The following DOCK5 variants were observed in gnomAD, a reference collection of about 807,000 sequenced individuals.
The protein encoded by DOCK5 is dedicator of cytokinesis protein 5.
In DOCK5, 142 loss-of-function variants were observed where a neutral mutation model predicts 251.8. That is an observed-to-expected ratio of 0.56 (90% confidence interval 0.49 to 0.65). DOCK5 has a LOEUF of 0.65. Ranked by LOEUF, DOCK5 falls within the 30% of genes least tolerant of loss-of-function variation. The probability of loss-of-function intolerance (pLI) is 0.00; values close to 1 mark genes in which losing one functional copy is unlikely to be tolerated. For missense variants in DOCK5, 2,111 were observed against 2,312.3 expected (o/e 0.91, Z 1.79); for synonymous variants, 842 against 835.5 (o/e 1.01, Z -0.13).
chr8:25,291,768 C>T (rs964004243), intron 5 of DOCK5, among the ~76,000 whole-genome samples: 1 of 146,754 alleles, frequency 6.8e-6, no homozygotes, highest in Admixed American at 7.0e-5. Context: ...CGGGTAGATC[C>T]ATGGTGAGAC....
At position 25,368,649 on chromosome 8, in the gene DOCK5, G is replaced by A. The variant is rs753133870; in HGVS notation, c.3362G>A (p.Arg1121Gln). The change falls in exon 33 of 52, where the codon CGG becomes CAG. Residue 1121 changes from arginine (R) to glutamine (Q), a missense_variant. Arg to Gln is a conservative substitution (Grantham distance 43, BLOSUM62 1). Transcript: ENST00000276440. ...ACTCTGACCCCTGAAGTAGAGCTCC[G>A]GAAAGCCACAATCCCCATTTTCTTT... Reference protein sequence around the residue: ...EVTLTPEVELRKATIPIFFDM... With the variant: ...EVTLTPEVELQKATIPIFFDM... 2.3e-5 allele frequency: 37 copies of A among 1,613,680 alleles called. No homozygotes were observed. The highest frequency in any genetic ancestry group is 1.6e-4 in the Middle Eastern group (1 of 6,084).
At chr8:25,332,151 A>G (rs1193136629) in intron 18 of DOCK5, 100 bp from the exon 19 acceptor site, 1 of 781,684 alleles carries the variant, frequency 1.3e-6, no homozygotes, top group African/African-American at 1.7e-5. Flanking sequence ...ATTAGCCACT[A>G]TTGAGAGCAA....
chr8:25,298,055 T>C (rs1481787532), intron 7 of DOCK5, among the ~76,000 whole-genome samples: 10 of 141,172 alleles, frequency 7.1e-5, no homozygotes, highest in Admixed American at 7.0e-4. Context: ...AGACCCTGCC[T>C]CTTAAAAAAA....
chr8:25,350,153 G>A lies in DOCK5; in HGVS notation c.2755-1578G>A, dbSNP rs139439753. 2.4e-3 allele frequency among the ~76,000 whole-genome samples: 373 copies of A among 152,252 alleles called. 3 individuals are homozygous for A. Among genetic ancestry groups the A allele is most frequent in the African/African-American group, 7.5e-3 (310 of 41,554 alleles). On this transcript the variant is annotated intron_variant, in intron 26 of 51. Transcript: ENST00000276440. ...AATTTGACCGTGGAAATCATTACAC[G>A]ATTACGTGGATCAAATCTTCATGTT...
chr8:25,275,450 C>A lies in DOCK5; in HGVS notation c.224+9C>A. ...ACTGTGGAAGACCTGGGGTAAGTTC[C>A]AAGCTAGGAAGATTCCCCAAAAATG... is the stretch of plus-strand genomic sequence containing the variant. On this transcript the variant is annotated intron_variant, in intron 4 of 51. Coordinates refer to ENST00000276440, the MANE Select transcript of DOCK5 (RefSeq NM_024940.8). 1 of 1,604,926 alleles carries A rather than the reference C, an allele frequency of 6.2e-7. No homozygotes were observed. The highest frequency in any genetic ancestry group is 8.5e-7 in the Non-Finnish European group (1 of 1,176,596).
At chr8:25,391,776 T>G (rs2117320162) in intron 42 of DOCK5, 120 bp from the exon 43 acceptor site, 162 of 701,128 alleles carry the variant, frequency 2.3e-4, no homozygotes, top group Non-Finnish European at 3.0e-4. Context: ...CTATTGATTA[T>G]GAGATAGCTT....
chr8:25,374,302 C>T (rs931030730), intron 36 of DOCK5, among the ~76,000 whole-genome samples: 1 of 152,046 alleles, frequency 6.6e-6, no homozygotes, highest in African/African-American at 2.4e-5. Flanking sequence ...ACTAAATCAA[C>T]TCTCGAGCCT....
chr8:25,399,826 C>G (rs1210800074), intron 45 of DOCK5, 85 bp from the exon 46 acceptor site: 1 of 1,015,958 alleles, frequency 9.8e-7, no homozygotes, highest in Non-Finnish European at 1.5e-6. Context: ...GGTTCTTCCG[C>G]ACAGGACACA....
chr8:25,234,781 C>G lies in DOCK5; in HGVS notation c.44-8893C>G, dbSNP rs1360443463. On this transcript the variant is annotated intron_variant, in intron 1 of 51. Transcript: ENST00000276440. ...CACCTGGTGCTGTTTCTTAAAGGAG[C>G]TCTGTATTTAGCGGCCTGCAATAAA... 1.6e-4 allele frequency among the ~76,000 whole-genome samples: 24 copies of G among 152,164 alleles called. 1 individual carries two copies. The highest frequency in any genetic ancestry group is 2.9e-5 in the Non-Finnish European group (2 of 68,024).
At chr8:25,249,593 C>G (rs1803212513) in intron 2 of DOCK5, among the ~76,000 whole-genome samples, 1 of 152,086 alleles carries the variant, frequency 6.6e-6, no homozygotes, top group Non-Finnish European at 1.5e-5. Context: ...GGCATCAGGA[C>G]TTCATCTCTC....
chr8:25,316,101 T>G (rs899303951), intron 13 of DOCK5, among the ~76,000 whole-genome samples: 11 of 152,324 alleles, frequency 7.2e-5, no homozygotes, highest in Admixed American at 3.3e-4. Flanking sequence ...AATTAAAATT[T>G]TTTTTGCTGG....
At chr8:25,223,642 A>G (rs1388117151) in intron 1 of DOCK5, among the ~76,000 whole-genome samples, 2 of 152,176 alleles carry the variant, frequency 1.3e-5, no homozygotes, top group Admixed American at 6.6e-5. Flanking sequence ...TACCACCAAC[A>G]ATGGGCATAA....
At chr8:25,301,847 A>G (rs1414198217) in intron 9 of DOCK5, among the ~76,000 whole-genome samples, 1 of 152,246 alleles carries the variant, frequency 6.6e-6, no homozygotes. Context: ...CCCATAAAGC[A>G]GTGCCTGTCT....
chr8:25,325,577 A>ACACTG, intron 18 of DOCK5, 30 bp downstream of exon 18: 1 of 1,607,094 alleles, frequency 6.2e-7, no homozygotes, highest in African/African-American at 1.3e-5. Flanking sequence ...TGACACAAAT[A>ACACTG]AGCTTCTTGC....
chr8:25,357,704 G>A (rs915586631), intron 27 of DOCK5, among the ~76,000 whole-genome samples: 1 of 152,154 alleles, frequency 6.6e-6, no homozygotes, highest in Non-Finnish European at 1.5e-5. Context: ...TAAAACAAAA[G>A]AGACAGTCTA....
intron 3 of DOCK5, among the ~76,000 whole-genome samples, chr8:25,275,007 T>C (rs898563302): frequency 6.6e-6 from 1 of 152,160 alleles, no homozygotes; most frequent in Admixed American, 6.6e-5. Context: ...TACTGAGTAC[T>C]GCATAGTTTC....
chr8:25,352,042 C>T (rs900341771), intron 27 of DOCK5, among the ~76,000 whole-genome samples: 2 of 151,796 alleles, frequency 1.3e-5, no homozygotes, highest in African/African-American at 4.8e-5. Flanking sequence ...GACCCCATCC[C>T]TACAAAAAAT....
intron 2 of DOCK5, among the ~76,000 whole-genome samples, chr8:25,268,212 C>T (rs1410638087): frequency 2.0e-5 from 3 of 151,802 alleles, no homozygotes; most frequent in Admixed American, 6.6e-5. Flanking sequence ...AGCAAACAAA[C>T]GCATAAGATC....
At position 25,301,645 on chromosome 8, in the gene DOCK5, C is replaced by T. The variant is rs577198741; in HGVS notation, c.847-680C>T. On this transcript the variant is annotated intron_variant, in intron 9 of 51. Coordinates refer to ENST00000276440, the MANE Select transcript of DOCK5 (RefSeq NM_024940.8). ...TTTGGGAGGCCAAGGAGGCTGGATC[C>T]CTTGAGCCTAGACGTTCAAGGCCAA... Among the ~76,000 whole-genome samples the T allele has an allele frequency of 3.7e-4, 56 of 152,002 alleles. 1 individual carries two copies. The highest frequency in any genetic ancestry group is 1.2e-3 in the African/African-American group (50 of 41,458).
Sources: gnomAD v4.1 joint callset for allele counts (sites outside exome capture counted in the v4.1 genomes callset) on GRCh38, gnomAD v4.1.1 for gene constraint, MANE v1.5 for transcripts, NCBI Gene and HGNC (gene_info 2026-07-23, HGNC 2026-07-21) for gene names.